The following SHC4 variants were observed in gnomAD, a reference collection of about 807,000 sequenced individuals.
SHC4 encodes SHC-transforming protein 4.
In SHC4, 41 loss-of-function variants were observed where a neutral mutation model predicts 69.4. The observed-to-expected ratio is 0.59, with a 90% confidence interval of 0.46 to 0.77. The LOEUF (loss-of-function observed/expected upper bound fraction) is 0.77. Among genes scored for constraint, SHC4 ranks in the 30% least tolerant of loss-of-function variants. The pLI, the probability that SHC4 is intolerant of heterozygous loss-of-function variation, is 0.00. For missense variants in SHC4, 777 were observed against 783.8 expected, an observed-to-expected ratio of 0.99 and a Z score of 0.10; for synonymous variants, 318 against 299.3, an observed-to-expected ratio of 1.06 and a Z score of -0.64.
At chr15:48,957,163 A>T (rs1901470643) in intron 1 of SHC4, among the ~76,000 whole-genome samples, 1 of 151,680 alleles carries the variant, frequency 6.6e-6, no homozygotes, top group Non-Finnish European at 1.5e-5. Context: ...TTTCTAGTAG[A>T]GATGAGGTTT....
intron 2 of SHC4, among the ~76,000 whole-genome samples, chr15:48,910,764 CATT>C (rs1421263707): frequency 6.6e-6 from 1 of 152,034 alleles, no homozygotes; most frequent in African/African-American, 2.4e-5. Context: ...TAGATTGTGT[CATT>C]ATTGTTGTTC....
At chr15:48,865,991 T>C (rs531221523) in intron 6 of SHC4, among the ~76,000 whole-genome samples, 2 of 152,346 alleles carry the variant, frequency 1.3e-5, no homozygotes, top group African/African-American at 4.8e-5. Flanking sequence ...ATCTTTGAAC[T>C]CTTCACCATC....
At chr15:48,844,482 A>G (rs1482449411) in intron 9 of SHC4, among the ~76,000 whole-genome samples, 1 of 151,986 alleles carries the variant, frequency 6.6e-6, no homozygotes, top group Admixed American at 6.5e-5. Flanking sequence ...GTCTCCTCTA[A>G]TTAACATGCT....
At chr15:48,894,617 T>A (rs1335317260) in intron 2 of SHC4, among the ~76,000 whole-genome samples, 1 of 152,138 alleles carries the variant, frequency 6.6e-6, no homozygotes, top group Non-Finnish European at 1.5e-5. Context: ...AAATCCAGAT[T>A]TCCTTTTTCA....
rs201753073 is a variant in SHC4 at position 48,962,582 on chromosome 15, G to A, written c.434C>T (p.Pro145Leu). The A allele has an allele frequency of 1.9e-6, 3 of 1,612,942 alleles. No homozygotes were observed. The highest frequency in any genetic ancestry group is 4.5e-5 in the East Asian group (2 of 44,866). The change falls in exon 1 of 12, where the codon CCA becomes CTA. Residue 145 changes from proline to leucine, a missense_variant. By Grantham distance (98) the Pro-to-Leu change is moderately conservative (BLOSUM62 -3). Coordinates refer to ENST00000332408, the MANE Select transcript of SHC4 (RefSeq NM_203349.4). Reference sequence around the variant, plus strand: ...GTGTCCCACCAGGTCCTGCTGCGGTGGAGGTGCAGTCCCGGACCTACTTAA... The same window carrying A: ...GTGTCCCACCAGGTCCTGCTGCGGTAGAGGTGCAGTCCCGGACCTACTTAA... ...TSLSRSGTAP[P>L]PQQDLVGHRA...
Position 48,825,861 on chromosome 15 carries a change from A to C in SHC4, c.*110T>G. On this transcript the variant is annotated 3_prime_UTR_variant, in exon 12 of 12. Coordinates refer to ENST00000332408, the MANE Select transcript of SHC4 (RefSeq NM_203349.4). ...GTCCATGATGGTCTTGGAAAGATGC[A>C]CTTCACAGTTTGTGCTCTATTTTAT... The C allele has an allele frequency of 3.8e-6, 5 of 1,315,220 alleles. No individual in the cohort carries two copies. The highest frequency in any genetic ancestry group is 1.5e-5 in the South Asian group (1 of 66,774). 81.5% of individuals were successfully genotyped at this position (1,315,220 alleles called of 1,614,324 possible). A position where few individuals can be genotyped will look rare whatever the true frequency, so the allele number is the denominator to read the frequency against.
chr15:48,874,786 C>T (rs925079754), intron 4 of SHC4, among the ~76,000 whole-genome samples: 3 of 152,202 alleles, frequency 2.0e-5, no homozygotes, highest in African/African-American at 7.2e-5. Context: ...CATCTGGTGG[C>T]AGGCTACATA....
At chr15:48,931,660 A>T (rs866737524) in intron 1 of SHC4, among the ~76,000 whole-genome samples, 1 of 151,992 alleles carries the variant, frequency 6.6e-6, no homozygotes, top group African/African-American at 2.4e-5. Context: ...CTTTCTCTCA[A>T]TTGCAATACT....
At position 48,924,920 on chromosome 15, in the gene SHC4, T is replaced by G; in HGVS notation, c.615A>C (p.Ser205=). ...RYMGCVEVLQ[S]MRSLDFGMRT... ...TCATTCCAAAATCCAGTGATCTCAT[T>G]GATTGCAGCACTTCAACACAGCCCA... The change falls in exon 2 of 12, where the codon TCA becomes TCC. Residue 205 remains serine (S), a synonymous_variant. Transcript: ENST00000332408. 1 of 1,614,098 alleles carries G rather than the reference T, an allele frequency of 6.2e-7. No homozygotes were observed. Among genetic ancestry groups the G allele is most frequent in the Non-Finnish European group, 8.5e-7 (1 of 1,180,010 alleles).
chr15:48,887,874 T>C (rs1056709755), intron 3 of SHC4, among the ~76,000 whole-genome samples: 5 of 152,164 alleles, frequency 3.3e-5, no homozygotes, highest in African/African-American at 7.2e-5. Context: ...CTGTGAACAA[T>C]TGTATGCCAA....
chr15:48,925,891 A>G (rs1280909370), intron 1 of SHC4, among the ~76,000 whole-genome samples: 1 of 152,200 alleles, frequency 6.6e-6, no homozygotes, highest in African/African-American at 2.4e-5. Flanking sequence ...GACATCATGG[A>G]AACAGATACT....
At chr15:48,953,094 G>A (rs980296863) in intron 1 of SHC4, among the ~76,000 whole-genome samples, 3 of 152,174 alleles carry the variant, frequency 2.0e-5, no homozygotes, top group African/African-American at 4.8e-5. Flanking sequence ...CCATAAAAAC[G>A]AATGAGATCA....
rs765921917 is a variant in SHC4, at chr15:48,826,091, G to T, written c.1773C>A (p.Gly591=). The T allele has an allele frequency of 1.2e-6, 2 of 1,613,452 alleles. No homozygotes were observed. Among genetic ancestry groups the T allele is most frequent in the Non-Finnish European group, 1.7e-6 (2 of 1,179,820 alleles). ...TATCCATATGGTATCTGATAAGGTGGCCGACATTATCAAATACATGATCCT... is the reference window on the plus strand; with the variant it reads ...TATCCATATGGTATCTGATAAGGTGTCCGACATTATCAAATACATGATCCT... The part of the protein sequence containing the change: ...RTKDHVFDNV[G]HLIRYHMDNS... The change falls in exon 12 of 12, where the codon GGC becomes GGA. Residue 591 remains glycine, a synonymous_variant. Transcript: ENST00000332408.
intron 4 of SHC4, among the ~76,000 whole-genome samples, chr15:48,883,015 G>A (rs1299819130): frequency 6.6e-6 from 1 of 151,898 alleles, no homozygotes; most frequent in Admixed American, 6.6e-5. Context: ...TTTCCTCTAA[G>A]GTGTTGTATA....
intron 2 of SHC4, among the ~76,000 whole-genome samples, chr15:48,920,974 G>A (rs1020951770): frequency 2.0e-5 from 3 of 151,920 alleles, no homozygotes; most frequent in Non-Finnish European, 4.4e-5. Context: ...GAAGAAGAAG[G>A]AGAAGGAGGA....
At position 48,902,869 on chromosome 15, in the gene SHC4, A is replaced by G. The variant is rs548646721; in HGVS notation, c.657-12058T>C. ...AGAGCCCTCCTAGTAAACCTTTTGC[A>G]TTCAACTCTCCATCTCAGAACATGT... On this transcript the variant is annotated intron_variant, in intron 2 of 11. Transcript: ENST00000332408. Among the ~76,000 whole-genome samples the G allele has an allele frequency of 5.3e-5, 8 of 152,218 alleles. No homozygotes were observed. The East Asian group carries it at 1.5e-3, about 29-fold the overall frequency.
intron 1 of SHC4, among the ~76,000 whole-genome samples, chr15:48,943,387 A>G (rs1190717952): frequency 1.2e-4 from 18 of 152,220 alleles, no homozygotes; most frequent in Non-Finnish European, 4.4e-5. Flanking sequence ...TTTCACTTAG[A>G]ATAATGTTCT....
chr15:48,939,112 TATACTGC>T (rs546304548), intron 1 of SHC4, among the ~76,000 whole-genome samples: 99 of 152,344 alleles, frequency 6.5e-4, no homozygotes, highest in Non-Finnish European at 6.3e-4. Context: ...GTGGGATGAC[TATACTGC>T]TGTTCCTGAT....
chr15:48,863,516 GA>G (rs1899490597), intron 6 of SHC4, among the ~76,000 whole-genome samples: 1 of 152,040 alleles, frequency 6.6e-6, no homozygotes, highest in African/African-American at 2.4e-5. Flanking sequence ...ATACAAAAAT[GA>G]TCTATATTGC....
Sources: gnomAD v4.1 joint callset for allele counts (sites outside exome capture counted in the v4.1 genomes callset) on GRCh38, gnomAD v4.1.1 for gene constraint, MANE v1.5 for transcripts, NCBI Gene and HGNC (gene_info 2026-07-23, HGNC 2026-07-21) for gene names.